The following ARPP21 variants were observed in gnomAD, a reference collection of about 807,000 sequenced individuals.
The protein encoded by ARPP21 is cAMP-regulated phosphoprotein 21.
Under a neutral mutation model 113.2 loss-of-function variants are expected in ARPP21, and 69 were observed. The observed-to-expected ratio is 0.61, with a 90% CI of 0.50 to 0.74. The LOEUF (loss-of-function observed/expected upper bound fraction) is 0.74, where lower values mean the gene tolerates loss of function less well. Ranked by LOEUF, ARPP21 falls within the 30% of genes least tolerant of loss-of-function variation. ARPP21 has a pLI of 0.00. For missense variants in ARPP21, 1,070 were observed against 1,037.4 expected (o/e 1.03, Z -0.43); for synonymous variants, 368 against 375.5 (o/e 0.98, Z 0.23).
At chr3:35,784,422 T>G (rs1010707149) in intron 19 of ARPP21, among the ~76,000 whole-genome samples, 1 of 152,202 alleles carries the variant, frequency 6.6e-6, no homozygotes, top group African/African-American at 2.4e-5. Flanking sequence ...TCAGCGCTTT[T>G]GTTTTTCAGA....
At chr3:35,717,194 G>T (rs2092526837) in intron 12 of ARPP21, 104 bp from the exon 13 acceptor site, 1 of 631,596 alleles carries the variant, frequency 1.6e-6, no homozygotes. Flanking sequence ...ATAAAACTTT[G>T]TATGGGATTG....
intron 11 of ARPP21, chr3:35,714,960 A>G (rs909359022): frequency 3.3e-5 from 5 of 152,452 alleles, no homozygotes; most frequent in Admixed American, 1.3e-4. Flanking sequence ...TCTTTATTTC[A>G]TGAGAGTTTA....
chr3:35,673,755 T>G (rs956405340), intron 1 of ARPP21, among the ~76,000 whole-genome samples: 2 of 152,022 alleles, frequency 1.3e-5, no homozygotes, highest in African/African-American at 4.8e-5. Flanking sequence ...ACTCAAACAC[T>G]TAGCTCCCAT....
chr3:35,645,936 A>T (rs747444298), intron 1 of ARPP21, among the ~76,000 whole-genome samples: 1 of 152,026 alleles, frequency 6.6e-6, no homozygotes, highest in Non-Finnish European at 1.5e-5. Context: ...AGTGAGGTAA[A>T]AAATTTCAAC....
At chr3:35,658,567 C>A (rs566768202) in intron 1 of ARPP21, among the ~76,000 whole-genome samples, 10 of 152,186 alleles carry the variant, frequency 6.6e-5, no homozygotes, top group African/African-American at 2.2e-4. Context: ...ATATCAATTT[C>A]TCTTGGTTAC....
chr3:35,758,351 T>C (rs987649029), intron 19 of ARPP21, among the ~76,000 whole-genome samples: 21 of 152,062 alleles, frequency 1.4e-4, no homozygotes. Context: ...TCAACAAATA[T>C]TTCACAATAA....
intron 19 of ARPP21, among the ~76,000 whole-genome samples, chr3:35,755,389 C>A (rs2095537022): frequency 1.3e-5 from 2 of 152,152 alleles, no homozygotes; most frequent in East Asian, 3.9e-4. Context: ...AAGTTCCCTG[C>A]AACTCTCTTT....
chr3:35,792,812 C>A (rs2096772537), intron 20 of ARPP21, among the ~76,000 whole-genome samples: 1 of 152,120 alleles, frequency 6.6e-6, no homozygotes, highest in Non-Finnish European at 1.5e-5. Context: ...TTCATAAAGA[C>A]CTTTGGAAAT....
At chr3:35,690,219 G>C (rs902575970) in intron 8 of ARPP21, 79 bp downstream of exon 8, 37 of 772,936 alleles carry the variant, frequency 4.8e-5, no homozygotes, top group Non-Finnish European at 8.2e-5. Flanking sequence ...ATTCTGGAAA[G>C]ACTTAGGGAT....
chr3:35,684,834 A>G, intron 5 of ARPP21: 1 of 977,846 alleles, frequency 1.0e-6, no homozygotes. Context: ...TTTACATGCC[A>G]CTCATGTCAT....
At chr3:35,667,864 A>AGAC (rs1402545900) in intron 1 of ARPP21, among the ~76,000 whole-genome samples, 2 of 129,206 alleles carry the variant, frequency 1.5e-5, no homozygotes, top group Non-Finnish European at 3.1e-5. Flanking sequence ...AAGAAGAAGA[A>AGAC]GAAGAAGAAG....
At chr3:35,776,271 C>T (rs1338563691) in intron 19 of ARPP21, among the ~76,000 whole-genome samples, 2 of 151,992 alleles carry the variant, frequency 1.3e-5, no homozygotes, top group Non-Finnish European at 2.9e-5. Context: ...TTTTAGTGCA[C>T]AAAAAATTTA....
chr3:35,723,509 G>A (rs986402883), intron 14 of ARPP21, among the ~76,000 whole-genome samples: 1 of 152,072 alleles, frequency 6.6e-6, no homozygotes, highest in African/African-American at 2.4e-5. Context: ...CACTATTGTA[G>A]CAACTGAAGT....
Position 35,792,369 on chromosome 3 carries a change from CT to C in ARPP21, c.2138-9del, listed in dbSNP as rs1368071209. The stretch of plus-strand genomic sequence containing the variant: ...TCTGCACAACCAGTTCAAAAGATCT[CT>C]TTTCTTCGCAGGTTACCAGCCAGTC... On this transcript the variant is annotated splice_polypyrimidine_tract_variant and intron_variant, in intron 19 of 20. Transcript: ENST00000684406. 2 of 1,613,480 alleles carry C rather than the reference CT, an allele frequency of 1.2e-6. No homozygotes were observed. The highest frequency in any genetic ancestry group is 1.3e-5 in the African/African-American group (1 of 74,912).
chr3:35,728,152 TTAATAATAATAATAA>T (rs3086922), intron 14 of ARPP21, among the ~76,000 whole-genome samples: 17 of 129,596 alleles, frequency 1.3e-4, no homozygotes, highest in African/African-American at 2.9e-4. Context: ...ATATATTACA[TTAATAATAATAATAA>T]TAATAATAAT....
At position 35,737,189 on chromosome 3, in the gene ARPP21, G is replaced by T; in HGVS notation, c.1471G>T (p.Val491Leu). ...TGATTCCATTGCAGGCCAGCCCTTTGTGAATCCCGATGGAACTCCTGCAAT... is the reference window on the plus strand; with the variant it reads ...TGATTCCATTGCAGGCCAGCCCTTTTTGAATCCCGATGGAACTCCTGCAAT... ...LLNPHTGQPF[V>L]NPDGTPAIYN... Residue 491 changes from valine to leucine, a missense_variant, in exon 16 of 21, where the codon GTG becomes TTG. Val to Leu is a conservative substitution (Grantham distance 32). Coordinates refer to ENST00000684406, the MANE Select transcript of ARPP21 (RefSeq NM_001385562.1). 6.2e-7 allele frequency: 1 copy of T among 1,607,250 alleles called. No homozygotes were observed. The highest frequency in any genetic ancestry group is 2.2e-5 in the East Asian group (1 of 44,750).
chr3:35,644,921 G>A (rs974200862), intron 1 of ARPP21, among the ~76,000 whole-genome samples: 2 of 151,844 alleles, frequency 1.3e-5, no homozygotes, highest in Non-Finnish European at 2.9e-5. Flanking sequence ...ACCTTTCAAT[G>A]TGACAGGTTT....
intron 19 of ARPP21, among the ~76,000 whole-genome samples, chr3:35,773,600 A>C (rs1206470266): frequency 6.6e-6 from 1 of 152,160 alleles, no homozygotes; most frequent in African/African-American, 2.4e-5. Flanking sequence ...TCTCACACCT[A>C]GGTAAAGTGG....
intron 1 of ARPP21, among the ~76,000 whole-genome samples, chr3:35,679,254 A>G (rs1042208938): frequency 6.6e-6 from 1 of 151,914 alleles, no homozygotes. Flanking sequence ...TGCCATTATA[A>G]AAGTTTTCTT....
Sources: gnomAD v4.1 joint callset for allele counts (sites outside exome capture counted in the v4.1 genomes callset) on GRCh38, gnomAD v4.1.1 for gene constraint, MANE v1.5 for transcripts, NCBI Gene and HGNC (gene_info 2026-07-23, HGNC 2026-07-21) for gene names.